The following TPTE2 variants were observed in gnomAD, a reference collection of about 807,000 sequenced individuals.
TPTE2 encodes the protein phosphatidylinositol 3,4,5-trisphosphate 3-phosphatase TPTE2.
A neutral mutation model predicts 78.6 loss-of-function variants in TPTE2; 53 were observed. That is an observed-to-expected ratio of 0.67 (90% CI 0.54 to 0.85). The LOEUF (loss-of-function observed/expected upper bound fraction) is 0.85, where lower values mean the gene tolerates loss of function less well. TPTE2 is among the 40% of genes least tolerant of loss of function. The probability of loss-of-function intolerance (pLI) is 0.00; values close to 1 mark genes in which losing one functional copy is unlikely to be tolerated. For synonymous variants in TPTE2, 175 were observed against 206.2 expected (o/e 0.85, Z 1.30); for missense variants, 461 against 623.0 (o/e 0.74, Z 2.77).
intron 15 of TPTE2, among the ~76,000 whole-genome samples, chr13:19,435,723 T>C (rs1448597859): frequency 6.6e-6 from 1 of 150,598 alleles, no homozygotes; most frequent in Non-Finnish European, 1.5e-5. Flanking sequence ...TTTTCTCTTT[T>C]AAAATACATC....
the TPTE2 span, among the ~76,000 whole-genome samples, chr13:19,559,732 GC>G: frequency 0.022 from 3,162 of 141,408 alleles, 30 homozygotes; most frequent in East Asian, 0.036. Flanking sequence ...ATCCCCTGCA[GC>G]CCCCTGTGGC....
At chr13:19,472,343 A>G (rs1368877577) in intron 6 of TPTE2, among the ~76,000 whole-genome samples, 4 of 152,040 alleles carry the variant, frequency 2.6e-5, no homozygotes, top group Non-Finnish European at 4.4e-5. Flanking sequence ...GGCATGCATC[A>G]TTGTTTTTTA....
chr13:19,459,736 T>G (rs1443178957), intron 10 of TPTE2, among the ~76,000 whole-genome samples: 3 of 152,120 alleles, frequency 2.0e-5, no homozygotes, highest in African/African-American at 4.8e-5. Flanking sequence ...AGGAATGGAT[T>G]GGGGTCCTGC....
intron 14 of TPTE2, among the ~76,000 whole-genome samples, chr13:19,437,503 C>G (rs1055119539): frequency 2.0e-5 from 3 of 152,132 alleles, no homozygotes; most frequent in Non-Finnish European, 4.4e-5. Flanking sequence ...GCTTTGTTTT[C>G]AGTTGTGAAA....
chr13:19,423,234 C>T (rs150808627), intron 19 of TPTE2, 70 bp from the exon 23 acceptor site: 24 of 1,221,376 alleles, frequency 2.0e-5, no homozygotes, highest in Middle Eastern at 2.7e-4. Flanking sequence ...TGGGTACCCA[C>T]GTTAGAGCTG....
intron 9 of TPTE2, 143 bp from the exon 13 acceptor site, chr13:19,464,663 A>C (rs1198612067): frequency 1.2e-6 from 1 of 819,250 alleles, no homozygotes; most frequent in Middle Eastern, 3.4e-4. Context: ...GCTAATACTC[A>C]GGATAATCAA....
intron 10 of TPTE2, among the ~76,000 whole-genome samples, chr13:19,456,129 C>T (rs936998138): frequency 2.6e-5 from 4 of 152,150 alleles, no homozygotes; most frequent in Non-Finnish European, 5.9e-5. Context: ...AGGGAATCTA[C>T]ATATTCATTA....
At chr13:19,478,994 C>T (rs1376526038) in intron 4 of TPTE2, among the ~76,000 whole-genome samples, 1 of 152,086 alleles carries the variant, frequency 6.6e-6, no homozygotes, top group African/African-American at 2.4e-5. Flanking sequence ...GAACATCACA[C>T]ACCGGGGCCT....
chr13:19,477,423 A>G (rs1346153656), intron 4 of TPTE2, among the ~76,000 whole-genome samples: 2 of 152,192 alleles, frequency 1.3e-5, no homozygotes, highest in African/African-American at 4.8e-5. Context: ...TTAACCTGAG[A>G]TAAAGGAAAT....
intron 1 of TPTE2, among the ~76,000 whole-genome samples, chr13:19,533,833 G>A (rs544211022): frequency 2.6e-5 from 4 of 152,300 alleles, no homozygotes; most frequent in African/African-American, 4.8e-5. Context: ...TTAAGGAGCT[G>A]GCAAGCAAAG....
Position 19,486,748 on chromosome 13 carries a change from G to T in TPTE2, c.120-4201C>A, listed in dbSNP as rs183867266. Reference sequence around the variant, plus strand: ...TATCTTTGCCAGGGCTGGCCAAGAGGGGGTGTTTCTCAGGCCTGGGATACA... The same window carrying T: ...TATCTTTGCCAGGGCTGGCCAAGAGTGGGTGTTTCTCAGGCCTGGGATACA... On this transcript the variant is annotated intron_variant, in intron 3 of 19. Coordinates refer to ENST00000400230, the Ensembl canonical transcript of TPTE2. This position sits in a 1 kb window ranked among gnomAD's most constrained non-coding sequence, Gnocchi z 4.3. 6.3e-4 allele frequency among the ~76,000 whole-genome samples: 96 copies of T among 152,300 alleles called. 1 individual carries two copies. The highest frequency in any genetic ancestry group is 1.9e-3 in the African/African-American group (77 of 41,552).
intron 1 of TPTE2, among the ~76,000 whole-genome samples, chr13:19,498,087 G>A (rs999917679): frequency 2.0e-5 from 3 of 151,282 alleles, no homozygotes; most frequent in African/African-American, 7.3e-5. Context: ...AAGCGAGAAG[G>A]GAAGTTTAGA....
At chr13:19,475,398 G>C (rs1027392730) in intron 5 of TPTE2, among the ~76,000 whole-genome samples, 175 bp downstream of exon 8, 1 of 151,936 alleles carries the variant, frequency 6.6e-6, no homozygotes, top group Non-Finnish European at 1.5e-5. Context: ...GCTAATTTTT[G>C]TATTTTTAGT....
chr13:19,478,980 A>G (rs544445024), intron 4 of TPTE2, among the ~76,000 whole-genome samples: 10 of 151,902 alleles, frequency 6.6e-5, no homozygotes, highest in Non-Finnish European at 1.0e-4. Context: ...GGACAAAGGA[A>G]GGGGAACATC....
intron 10 of TPTE2, among the ~76,000 whole-genome samples, chr13:19,461,415 C>T (rs1194675535): frequency 6.6e-6 from 1 of 151,900 alleles, no homozygotes; most frequent in Admixed American, 6.6e-5. Context: ...AAATATTTAT[C>T]ATTCTTTGTG....
At position 19,497,555 on chromosome 13, in the gene TPTE2, G is replaced by A. The variant is rs1419069768; in HGVS notation, c.12-4054C>T. On this transcript the variant is annotated intron_variant, in intron 1 of 19. Coordinates refer to ENST00000400230, the Ensembl canonical transcript of TPTE2. ...GCAGGGGCACACTGACACCTCACATGGCAGGGTATTCCAACAGACCTGCAG... is the reference window on the plus strand; with the variant it reads ...GCAGGGGCACACTGACACCTCACATAGCAGGGTATTCCAACAGACCTGCAG... 2.4e-4 allele frequency among the ~76,000 whole-genome samples: 17 copies of A among 69,584 alleles called. 2 individuals are homozygous for A. Among genetic ancestry groups the A allele is most frequent in the East Asian group, 1.4e-3 (3 of 2,078 alleles). The allele number at this position is 69,584 out of a possible 152,430, so 45.6% of individuals were successfully genotyped here. A position where few individuals can be genotyped will look rare whatever the true frequency, so the allele number is the denominator to read the frequency against.
exon 4 of TPTE2, chr13:19,482,491 T>C (rs753003663): frequency 6.2e-7 from 1 of 1,612,406 alleles, no homozygotes. Context: ...GACTTACTCA[T>C]ATGAAGCAAC....
chr13:19,507,613 G>C (rs1327670032), upstream of TPTE2, among the ~76,000 whole-genome samples: 1 of 152,192 alleles, frequency 6.6e-6, no homozygotes, highest in African/African-American at 2.4e-5. Context: ...CCCTGAGGTT[G>C]CCTCTGTGCT....
At chr13:19,556,937 T>C in the TPTE2 span, among the ~76,000 whole-genome samples, 4 of 152,210 alleles carry the variant, frequency 2.6e-5, no homozygotes, top group African/African-American at 9.6e-5. Flanking sequence ...AAGAGGACAC[T>C]CTTATTTCTG....
Sources: allele counts gnomAD v4.1 joint callset (sites outside exome capture counted in the v4.1 genomes callset), GRCh38; gene constraint gnomAD v4.1.1; non-coding constraint Gnocchi (gnomAD v3.1); transcripts MANE v1.5; gene names NCBI Gene and HGNC (gene_info 2026-07-23, HGNC 2026-07-21).